VEGFC: variants seen among roughly 807,000 people sequenced by gnomAD.
VEGFC encodes vascular endothelial growth factor C.
VEGFC carries 12 observed loss-of-function variants against 46.1 expected under a neutral mutation model. That is an observed-to-expected ratio of 0.26 (90% CI 0.17 to 0.42). The LOEUF (loss-of-function observed/expected upper bound fraction) is 0.42. Among genes scored for constraint, VEGFC ranks in the 10% least tolerant of loss-of-function variants. VEGFC has a pLI of 1.00. For synonymous variants in VEGFC, 232 were observed against 195.5 expected (o/e 1.19, Z -1.56); for missense variants, 488 against 529.4 (o/e 0.92, Z 0.77).
intron 3 of VEGFC, among the ~76,000 whole-genome samples, chr4:176,715,656 T>G (rs953799960): frequency 6.6e-6 from 1 of 152,220 alleles, no homozygotes; most frequent in Non-Finnish European, 1.5e-5. Context: ...TTCTATTTTC[T>G]TGTTTACAGA....
At chr4:176,713,699 GAA>G (rs898899065) in intron 3 of VEGFC, among the ~76,000 whole-genome samples, 1 of 152,072 alleles carries the variant, frequency 6.6e-6, no homozygotes. Flanking sequence ...AATGAAAAGA[GAA>G]AATGTCTAAG....
chr4:176,693,025 G>A (rs1734236770), intron 4 of VEGFC, among the ~76,000 whole-genome samples: 1 of 151,738 alleles, frequency 6.6e-6, no homozygotes, highest in South Asian at 2.1e-4. Context: ...CAAAGATGGG[G>A]AAAAAACAGA....
At chr4:176,786,300 C>T (rs1314115175) in intron 1 of VEGFC, among the ~76,000 whole-genome samples, 1 of 152,250 alleles carries the variant, frequency 6.6e-6, no homozygotes, top group Non-Finnish European at 1.5e-5. Context: ...ACCATGCTCC[C>T]TTCAGTTTCC....
chr4:176,753,864 A>G (rs1446231533), intron 1 of VEGFC, among the ~76,000 whole-genome samples: 1 of 152,088 alleles, frequency 6.6e-6, no homozygotes, highest in Non-Finnish European at 1.5e-5. Context: ...GGTTTAATTT[A>G]TGTCTTTTGG....
intron 3 of VEGFC, 128 bp from the exon 4 acceptor site, chr4:176,711,778 G>T: frequency 1.2e-6 from 1 of 836,034 alleles, no homozygotes; most frequent in Non-Finnish European, 1.8e-6. Context: ...TACGCAGGAC[G>T]CTATGTTTTT....
intron 3 of VEGFC, among the ~76,000 whole-genome samples, chr4:176,715,584 ACTTACT>A (rs1327116699): frequency 6.6e-6 from 1 of 152,034 alleles, no homozygotes; most frequent in Non-Finnish European, 1.5e-5. Flanking sequence ...ATATTGACTG[ACTTACT>A]CTTATCAGTT....
chr4:176,778,809 T>C (rs964167019), intron 1 of VEGFC, among the ~76,000 whole-genome samples: 1 of 152,148 alleles, frequency 6.6e-6, no homozygotes, highest in Non-Finnish European at 1.5e-5. Context: ...CAAAACCTTC[T>C]CAATTTTCTA....
chr4:176,781,515 T>C (rs922267507), intron 1 of VEGFC, among the ~76,000 whole-genome samples: 1 of 152,232 alleles, frequency 6.6e-6, no homozygotes, highest in African/African-American at 2.4e-5. Flanking sequence ...GCATCTGGTA[T>C]CTGATATCAA....
intron 1 of VEGFC, among the ~76,000 whole-genome samples, chr4:176,769,822 C>T (rs1735692413): frequency 6.6e-6 from 1 of 152,160 alleles, no homozygotes; most frequent in African/African-American, 2.4e-5. Flanking sequence ...AGGCCCATCA[C>T]TAAATTCAAA....
intron 6 of VEGFC, 151 bp downstream of exon 6, chr4:176,687,036 A>T: frequency 1.1e-6 from 1 of 871,526 alleles, no homozygotes; most frequent in Non-Finnish European, 1.7e-6. Flanking sequence ...ATGCAAGTTT[A>T]GCATTGGTTA....
intron 6 of VEGFC, 127 bp downstream of exon 6, chr4:176,687,060 T>G: frequency 9.3e-7 from 1 of 1,074,956 alleles, no homozygotes; most frequent in Non-Finnish European, 1.3e-6. Context: ...AAATATAAGA[T>G]TTTTGTCTTT....
At chr4:176,690,567 A>G (rs1179404332) in intron 4 of VEGFC, among the ~76,000 whole-genome samples, 1 of 152,166 alleles carries the variant, frequency 6.6e-6, no homozygotes, top group Non-Finnish European at 1.5e-5. Context: ...TAGGTTAATC[A>G]TGAACATATA....
intron 3 of VEGFC, among the ~76,000 whole-genome samples, chr4:176,723,321 G>A (rs1734819797): frequency 6.6e-6 from 1 of 151,866 alleles, no homozygotes. Flanking sequence ...ATATACATAT[G>A]TATATATATA....
intron 4 of VEGFC, among the ~76,000 whole-genome samples, chr4:176,695,780 C>G (rs1734301160): frequency 6.6e-6 from 1 of 152,016 alleles, no homozygotes. Flanking sequence ...GCTTATCCAC[C>G]ATGATCAAGC....
intron 1 of VEGFC, among the ~76,000 whole-genome samples, chr4:176,745,720 A>C (rs1025213221): frequency 5.3e-5 from 8 of 152,202 alleles, no homozygotes; most frequent in African/African-American, 1.9e-4. Flanking sequence ...GACAGAGGGG[A>C]ATGATCAGAT....
At chr4:176,710,963 T>G (rs1017183913) in intron 4 of VEGFC, among the ~76,000 whole-genome samples, 1 of 152,086 alleles carries the variant, frequency 6.6e-6, no homozygotes, top group African/African-American at 2.4e-5. Context: ...TTTCAAGTAA[T>G]TAAGCACTAT....
At chr4:176,749,278 C>T (rs1294155901) in intron 1 of VEGFC, among the ~76,000 whole-genome samples, 2 of 151,924 alleles carry the variant, frequency 1.3e-5, no homozygotes, top group East Asian at 3.9e-4. Flanking sequence ...AAAAAACAAA[C>T]TCAAAGAAAA....
At position 176,786,030 on chromosome 4, in the gene VEGFC, G is replaced by A. The variant is rs28363943; in HGVS notation, c.147+6135C>T. Reference sequence around the variant, plus strand: ...CCAGCAATCAGGAGCATATAGAGGAGTTCGAATACCATATATGGGTGGCCA... The same window carrying A: ...CCAGCAATCAGGAGCATATAGAGGAATTCGAATACCATATATGGGTGGCCA... On this transcript the variant is annotated intron_variant, in intron 1 of 6. Transcript: ENST00000618562. Among the ~76,000 whole-genome samples the A allele has an allele frequency of 4.4e-3, 664 of 152,216 alleles. 6 individuals carry two copies. Among genetic ancestry groups the A allele is most frequent in the African/African-American group, 0.014 (582 of 41,526 alleles).
At chr4:176,703,344 G>C (rs538670438) in intron 4 of VEGFC, among the ~76,000 whole-genome samples, 42 of 152,090 alleles carry the variant, frequency 2.8e-4, no homozygotes, top group African/African-American at 8.9e-4. Context: ...GGAACTGGAG[G>C]CTATTATGTT....
Sources: allele counts gnomAD v4.1 joint callset (sites outside exome capture counted in the v4.1 genomes callset), GRCh38; gene constraint gnomAD v4.1.1; transcripts MANE v1.5; gene names NCBI Gene and HGNC (gene_info 2026-07-23, HGNC 2026-07-21).